ANPEP: variants seen among roughly 807,000 people sequenced by gnomAD.
ANPEP encodes the protein aminopeptidase N.
In ANPEP, 70 loss-of-function variants were observed where a neutral mutation model predicts 114.6. The observed-to-expected ratio is 0.61, with a 90% CI of 0.50 to 0.75. The LOEUF is 0.75. Ranked by LOEUF, ANPEP falls within the 30% of genes least tolerant of loss-of-function variation. ANPEP has a pLI of 0.00. For missense variants in ANPEP, 1,184 were observed against 1,259.5 expected, an observed-to-expected ratio of 0.94 and a Z score of 0.91; for synonymous variants, 548 against 522.3, an observed-to-expected ratio of 1.05 and a Z score of -0.67.
intron 20 of ANPEP, among the ~76,000 whole-genome samples, chr15:89,788,280 C>A (rs1247148164): frequency 6.6e-6 from 1 of 152,090 alleles, no homozygotes; most frequent in Non-Finnish European, 1.5e-5. Context: ...TGTAATGGAC[C>A]ATTATTCAGC....
At chr15:89,787,343 C>T (rs1344372194) in intron 20 of ANPEP, among the ~76,000 whole-genome samples, 1 of 152,030 alleles carries the variant, frequency 6.6e-6, no homozygotes, top group Admixed American at 6.6e-5. Flanking sequence ...CCATGCCTGG[C>T]CAATAAAACT....
Position 89,801,216 on chromosome 15 carries a change from A to C in ANPEP, c.1743-29T>G, listed in dbSNP as rs1318981041. 1.9e-6 allele frequency: 3 copies of C among 1,612,286 alleles called. No individual in the cohort carries two copies. In the South Asian group the frequency reaches 3.3e-5, roughly 18 times the overall value. On this transcript the variant is annotated intron_variant, in intron 11 of 20. Transcript: ENST00000300060. ...CAATTAAAGATCCAGAGGTGGTGAG[A>C]GATGGCGGTGTGGTCACTGCCAGTG...
chr15:89,785,518 A>G lies in ANPEP; in HGVS notation c.2752-17T>C, dbSNP rs758698918. On this transcript the variant is annotated splice_polypyrimidine_tract_variant and intron_variant, in intron 20 of 20. Transcript: ENST00000300060. The stretch of plus-strand genomic sequence containing the variant: ...CTGCTCCAGCTGCCAGAAAAACAAA[A>G]GATTCTCAGTCCGGCTGGGTCCCTA... The G allele has an allele frequency of 4.4e-6, 7 of 1,606,230 alleles. No homozygotes were observed. In the East Asian group the frequency reaches 1.6e-4, roughly 36 times the overall value.
At chr15:89,809,542 G>A (rs1385239168) in intron 1 of ANPEP, among the ~76,000 whole-genome samples, 1 of 152,156 alleles carries the variant, frequency 6.6e-6, no homozygotes, top group African/African-American at 2.4e-5. Flanking sequence ...AACCCAGGCT[G>A]GGGGCACAGA....
At chr15:89,790,899 C>G in intron 19 of ANPEP, 54 bp downstream of exon 19, 1 of 1,596,566 alleles carries the variant, frequency 6.3e-7, no homozygotes. Flanking sequence ...AGGCCACCCC[C>G]CGGGGCCCCA....
Position 89,785,378 on chromosome 15 carries a change from G to A in ANPEP, c.2875C>T (p.Leu959Phe). 4.3e-6 allele frequency: 7 copies of A among 1,614,230 alleles called. No homozygotes were observed. Among genetic ancestry groups the A allele is most frequent in the Non-Finnish European group, 5.9e-6 (7 of 1,180,042 alleles). The change falls in exon 21 of 21, where the codon CTC becomes TTC. Residue 959 changes from leucine (L) to phenylalanine (F), a missense_variant. Physicochemically the swap from Leu to Phe is conservative, Grantham distance 22. Coordinates refer to ENST00000300060, the MANE Select transcript of ANPEP (RefSeq NM_001150.3). ...TTGCTGTTTTCTGTGAACCACTGGAGCACCACCTCCTTGTTCTCCTTCACC... is the reference window on the plus strand; with the variant it reads ...TTGCTGTTTTCTGTGAACCACTGGAACACCACCTCCTTGTTCTCCTTCACC... ...KWVKENKEVV[L>F]QWFTENSK
chr15:89,804,466 TC>T (rs1894665957), intron 5 of ANPEP, 24 bp downstream of exon 5: 1 of 1,613,924 alleles, frequency 6.2e-7, no homozygotes, highest in Admixed American at 1.7e-5. Flanking sequence ...ATCCACTGCC[TC>T]CCTCCTCAAG....
rs747779920 is a variant in ANPEP at position 89,792,582 on chromosome 15, CGGTTAGCA to C, written c.2250-28_2250-21del. 3.4e-5 allele frequency: 55 copies of C among 1,605,128 alleles called. 1 individual carries two copies. In the Middle Eastern group the frequency reaches 7.8e-3, roughly 228 times the overall value. On this transcript the variant is annotated intron_variant, in intron 16 of 20. Coordinates refer to ENST00000300060, the MANE Select transcript of ANPEP (RefSeq NM_001150.3). ...CTGTACCTGCCCCAGGGGTGACACGCGGTTAGCACACCTGGCGAACTCCAGCCAAGATT... is the reference window on the plus strand; with the variant it reads ...CTGTACCTGCCCCAGGGGTGACACGCCACCTGGCGAACTCCAGCCAAGATT...
intron 1 of ANPEP, among the ~76,000 whole-genome samples, chr15:89,807,930 A>G (rs1245311279): frequency 6.6e-6 from 1 of 152,122 alleles, no homozygotes; most frequent in Admixed American, 6.5e-5. Context: ...CGCAAGATGC[A>G]CTTGGTCAAA....
rs755720296 is a variant in ANPEP at position 89,806,401 on chromosome 15, CGAGGCGGGGTTGGTGGTGGCT to C, written c.162_182del (p.Asn58_Thr64del). The stretch of plus-strand genomic sequence containing the variant: ...CTTTACTTTGGTCCAAGGTGGTGGC[CGAGGCGGGGTTGGTGGTGGCT>C]GAGGCGGACGGGGTGGTGGAGGCCA... On this transcript the variant is annotated inframe_deletion, in exon 2 of 21. Coordinates refer to ENST00000300060, the MANE Select transcript of ANPEP (RefSeq NM_001150.3). This position sits in a 1 kb window ranked among gnomAD's most constrained non-coding sequence, Gnocchi z 5.7. The C allele has an allele frequency of 8.1e-6, 13 of 1,613,840 alleles. No homozygotes were observed. Among genetic ancestry groups the C allele is most frequent in the Non-Finnish European group, 8.5e-7 (1 of 1,179,960 alleles).
rs1195337028 is a variant in ANPEP at position 89,799,193 on chromosome 15, T to G, written c.2009+67A>C. 1.9e-6 allele frequency: 3 copies of G among 1,583,888 alleles called. No homozygotes were observed. Among genetic ancestry groups the G allele is most frequent in the East Asian group, 2.2e-5 (1 of 44,700 alleles). ...AGGGCAGCAGGAGGAGCAGGGGCCC[T>G]CATTGTGGACTCAGACTTGCTGAAG... On this transcript the variant is annotated intron_variant, in intron 14 of 20. Transcript: ENST00000300060. The surrounding 1 kb of genome is among the most constrained non-coding windows in gnomAD (Gnocchi z 4.2).
Position 89,806,829 on chromosome 15 carries a change from G to A in ANPEP, c.-223-23C>T. 1 of 547,380 alleles carries A rather than the reference G, an allele frequency of 1.8e-6. No homozygotes were observed. The highest frequency in any genetic ancestry group is 3.1e-6 in the Non-Finnish European group (1 of 321,042). 33.9% of individuals were successfully genotyped at this position (547,380 alleles called of 1,614,324 possible). On this transcript the variant is annotated intron_variant, in intron 1 of 20. Transcript: ENST00000300060. This position sits in a 1 kb window ranked among gnomAD's most constrained non-coding sequence, Gnocchi z 5.7. ...TGCCTGCTGGAAGCAAACAGTGTCT[G>A]GTTACAGGCTGCAGGCGGCCTGGGA...
Position 89,803,570 on chromosome 15 carries a change from A to C in ANPEP, c.1438-63T>G, listed in dbSNP as rs1894640658. On this transcript the variant is annotated intron_variant, in intron 8 of 20. Coordinates refer to ENST00000300060, the MANE Select transcript of ANPEP (RefSeq NM_001150.3). This position sits in a 1 kb window ranked among gnomAD's most constrained non-coding sequence, Gnocchi z 4.2. ...AGAGCCACCAGGACCCTGTGCCCCC[A>C]GACCCTGCCTTCAGTGAGGCCCCTC... is the stretch of plus-strand genomic sequence containing the variant. The C allele has an allele frequency of 6.2e-7, 1 of 1,601,490 alleles. No individual in the cohort carries two copies. Among genetic ancestry groups the C allele is most frequent in the African/African-American group, 1.3e-5 (1 of 74,882 alleles).
rs528646801 is a variant in ANPEP, at chr15:89,803,468, C to T, written c.1477G>A (p.Glu493Lys). 2.7e-5 allele frequency: 44 copies of T among 1,605,422 alleles called. No homozygotes were observed. The highest frequency in any genetic ancestry group is 1.7e-4 in the African/African-American group (13 of 74,850). Residue 493 changes from glutamate (E) to lysine (K), a missense_variant, in exon 9 of 21, where the codon GAG (glutamate) becomes AAG (lysine). By Grantham distance (56) the Glu-to-Lys change is moderately conservative. Coordinates refer to ENST00000300060, the MANE Select transcript of ANPEP (RefSeq NM_001150.3). The surrounding 1 kb of genome is among the most constrained non-coding windows in gnomAD (Gnocchi z 4.2). ...GCCAGGCCCTGCTTGAATACGTCCT[C>T]GGACAGGAAGCTGGAGAGCATCCTG... is the stretch of plus-strand genomic sequence containing the variant. ...VLRMLSSFLS[E>K]DVFKQGLASY...
chr15:89,792,038 C>T (rs1183312969), intron 18 of ANPEP, 122 bp downstream of exon 18: 3 of 1,182,088 alleles, frequency 2.5e-6, no homozygotes, highest in East Asian at 5.0e-5. Context: ...TTTGGAAATA[C>T]TGCCTCCACC....
chr15:89,794,759 C>T (rs912709660), intron 15 of ANPEP, among the ~76,000 whole-genome samples: 1 of 152,152 alleles, frequency 6.6e-6, no homozygotes, highest in African/African-American at 2.4e-5. Flanking sequence ...AGTTTCCATA[C>T]TGAAAGGTGG....
At position 89,792,179 on chromosome 15, in the gene ANPEP, C is replaced by CT. The variant is rs1567154961; in HGVS notation, c.2508dup (p.Glu837ArgfsTer53). The CT allele has an allele frequency of 1.1e-5, 18 of 1,614,162 alleles. No individual in the cohort carries two copies. The highest frequency in any genetic ancestry group is 1.4e-5 in the Non-Finnish European group (17 of 1,180,004). On this transcript the variant is annotated frameshift_variant, in exon 18 of 21. Coordinates refer to ENST00000300060, the MANE Select transcript of ANPEP (RefSeq NM_001150.3). LOFTEE classifies it high-confidence loss of function. Reference sequence around the variant, plus strand: ...ACTCACCTGTTCAGGATCCACAACTCTTTGCTGCAGGCCAGGGCTGCCCGG... The same window carrying CT: ...ACTCACCTGTTCAGGATCCACAACTCTTTTGCTGCAGGCCAGGGCTGCCCGG...
At chr15:89,792,919 T>C in intron 16 of ANPEP, 116 bp downstream of exon 16, 1 of 913,744 alleles carries the variant, frequency 1.1e-6, no homozygotes, top group East Asian at 2.4e-5. Flanking sequence ...TGGGTGGGGG[T>C]CTCTCCCTGC....
At chr15:89,798,629 T>TC (rs1208730565) in intron 14 of ANPEP, among the ~76,000 whole-genome samples, 1 of 145,374 alleles carries the variant, frequency 6.9e-6, no homozygotes, top group South Asian at 2.3e-4. Context: ...AGAGCAAGAC[T>TC]CCATCTCAAA....
Sources: allele counts gnomAD v4.1 joint callset (sites outside exome capture counted in the v4.1 genomes callset), GRCh38; gene constraint gnomAD v4.1.1; non-coding constraint Gnocchi (gnomAD v3.1); transcripts MANE v1.5; gene names NCBI Gene and HGNC (gene_info 2026-07-23, HGNC 2026-07-21).